Variants in NCOA7 observed in about 807,000 individuals in gnomAD.
NCOA7 encodes 140 kDa estrogen receptor-associated protein.
A neutral mutation model predicts 104.3 loss-of-function variants in NCOA7; 45 were observed. That is an observed-to-expected ratio of 0.43 (90% confidence interval 0.34 to 0.55). The LOEUF (loss-of-function observed/expected upper bound fraction) is 0.55. Ranked by LOEUF, NCOA7 falls within the 20% of genes least tolerant of loss-of-function variation. The pLI is 0.02. For synonymous variants in NCOA7, 398 were observed against 402.3 expected (o/e 0.99, Z 0.13); for missense variants, 1,041 against 1,119.7 (o/e 0.93, Z 1.00).
At chr6:125,821,177 AAG>A (rs1778140198) in intron 2 of NCOA7, among the ~76,000 whole-genome samples, 1 of 152,138 alleles carries the variant, frequency 6.6e-6, no homozygotes, top group African/African-American at 2.4e-5. Flanking sequence ...GGATGAGTAG[AAG>A]TATTATCATC....
intron 1 of NCOA7, among the ~76,000 whole-genome samples, chr6:125,806,413 A>G (rs1336219815): frequency 6.6e-6 from 1 of 152,228 alleles, no homozygotes; most frequent in Non-Finnish European, 1.5e-5. Context: ...GATGAATCAC[A>G]GAGCATATGG....
intron 2 of NCOA7, among the ~76,000 whole-genome samples, chr6:125,833,666 G>T (rs985545860): frequency 3.3e-5 from 5 of 152,156 alleles, no homozygotes; most frequent in African/African-American, 4.8e-5. Flanking sequence ...GTGGTGGCAA[G>T]GGGTGCTTTG....
intron 10 of NCOA7, among the ~76,000 whole-genome samples, chr6:125,894,695 A>G (rs976307618): frequency 1.3e-5 from 2 of 152,162 alleles, no homozygotes; most frequent in Admixed American, 1.3e-4. Context: ...GAAATGAACC[A>G]GACACACTGA....
At chr6:125,843,548 T>G (rs1780348740) in intron 2 of NCOA7, among the ~76,000 whole-genome samples, 1 of 152,206 alleles carries the variant, frequency 6.6e-6, no homozygotes, top group African/African-American at 2.4e-5. Context: ...TCCAAATACT[T>G]TCTTTAAATT....
In NCOA7 at chr6:125,878,312, C is replaced by T. The variant is rs1470203624; in HGVS notation, c.401C>T (p.Thr134Ile). The change falls in exon 5 of 16, where the codon ACT (threonine) becomes ATT (isoleucine). Residue 134 changes from threonine (T) to isoleucine (I), a missense_variant. Coordinates refer to ENST00000392477, the MANE Select transcript of NCOA7 (RefSeq NM_181782.5). ...TCCATAGCACTGAAATTTAACATCA[C>T]TCCCAATAAATTGGTGGAACTGAAT... ...LNSIALKFNI[T>I]PNKLVELNKL... 1.9e-6 allele frequency: 3 copies of T among 1,612,890 alleles called. No homozygotes were observed. The South Asian group carries it at 3.3e-5, about 18-fold the overall frequency.
chr6:125,862,472 A>G lies in NCOA7; in HGVS notation c.271+7232A>G, dbSNP rs1166878494. On this transcript the variant is annotated intron_variant, in intron 3 of 15. Transcript: ENST00000392477. ...GGTCAAAGACAAGACATTCTCAGACATAGAAGAACTCAAGAAAGAGACCTT... is the reference window on the plus strand; with the variant it reads ...GGTCAAAGACAAGACATTCTCAGACGTAGAAGAACTCAAGAAAGAGACCTT... 4.3e-5 allele frequency among the ~76,000 whole-genome samples: 6 copies of G among 138,516 alleles called. 1 individual carries two copies. The highest frequency in any genetic ancestry group is 4.1e-4 in the Admixed American group (6 of 14,658). The allele number at this position is 138,516 out of a possible 152,430, so 90.9% of individuals were successfully genotyped here.
At chr6:125,799,905 C>G (rs1011380177) in intron 1 of NCOA7, among the ~76,000 whole-genome samples, 8 of 152,074 alleles carry the variant, frequency 5.3e-5, no homozygotes, top group African/African-American at 1.7e-4. Context: ...TTCATGATCC[C>G]CTTTGCTCAT....
At chr6:125,857,631 G>C (rs1465045214) in intron 3 of NCOA7, among the ~76,000 whole-genome samples, 6 of 151,800 alleles carry the variant, frequency 4.0e-5, no homozygotes, top group African/African-American at 1.5e-4. Flanking sequence ...CACAATCTCA[G>C]CTCACTGCAA....
At chr6:125,908,616 A>T (rs1355052805) in intron 10 of NCOA7, among the ~76,000 whole-genome samples, 2 of 152,132 alleles carry the variant, frequency 1.3e-5, no homozygotes, top group Admixed American at 1.3e-4. Flanking sequence ...CTTTATATAA[A>T]TCTTCCTTCT....
chr6:125,824,889 G>A (rs1471834195), intron 2 of NCOA7, among the ~76,000 whole-genome samples: 2 of 152,110 alleles, frequency 1.3e-5, no homozygotes, highest in Non-Finnish European at 2.9e-5. Flanking sequence ...CTCTGGAGTA[G>A]CTGGGACTAT....
At chr6:125,806,604 C>T (rs775382195) in intron 1 of NCOA7, among the ~76,000 whole-genome samples, 6 of 152,000 alleles carry the variant, frequency 3.9e-5, no homozygotes, top group Admixed American at 2.0e-4. Flanking sequence ...TTTTGGTTGG[C>T]GTGGTTGTGG....
chr6:125,902,304 G>A (rs547171624), intron 10 of NCOA7, among the ~76,000 whole-genome samples: 6 of 152,242 alleles, frequency 3.9e-5, no homozygotes, highest in South Asian at 2.1e-4. Flanking sequence ...ACTTCCTTGC[G>A]TATTTAATAA....
At chr6:125,793,680 C>G (rs2128544995) in intron 1 of NCOA7, among the ~76,000 whole-genome samples, 1 of 152,212 alleles carries the variant, frequency 6.6e-6, no homozygotes, top group Admixed American at 6.5e-5. Flanking sequence ...ATGCCATTTA[C>G]TATTGTTTTT....
intron 11 of NCOA7, chr6:125,919,337 C>G: frequency 6.2e-7 from 1 of 1,612,794 alleles, no homozygotes; most frequent in Middle Eastern, 1.7e-4. Flanking sequence ...GAGAGAGAGC[C>G]ACACTTCTCA....
At chr6:125,881,262 AATTCAAC>A in intron 6 of NCOA7, 59 bp downstream of exon 6, 1 of 1,203,158 alleles carries the variant, frequency 8.3e-7, no homozygotes, top group Middle Eastern at 1.9e-4. Flanking sequence ...TAAGTTGTAG[AATTCAAC>A]ATGTTATTTT....
intron 2 of NCOA7, among the ~76,000 whole-genome samples, chr6:125,844,188 T>A (rs965664224): frequency 2.6e-5 from 4 of 152,234 alleles, no homozygotes; most frequent in African/African-American, 9.6e-5. Context: ...ATGTGGTTGT[T>A]CTTTGAGGCT....
At chr6:125,908,439 C>G (rs942071692) in intron 10 of NCOA7, among the ~76,000 whole-genome samples, 8 of 152,170 alleles carry the variant, frequency 5.3e-5, no homozygotes, top group African/African-American at 1.7e-4. Flanking sequence ...TTCTCTAACC[C>G]CTTTGGAGAG....
chr6:125,792,714 G>A (rs1774970759), intron 1 of NCOA7, among the ~76,000 whole-genome samples: 2 of 151,880 alleles, frequency 1.3e-5, no homozygotes, highest in Admixed American at 1.3e-4. Context: ...TGACAGCCAG[G>A]GGATTGTGAA....
intron 10 of NCOA7, among the ~76,000 whole-genome samples, chr6:125,913,149 A>C (rs1786740425): frequency 6.6e-6 from 1 of 152,230 alleles, no homozygotes; most frequent in African/African-American, 2.4e-5. Flanking sequence ...AGAGAAACAG[A>C]ACCAAAATGT....
Sources: gnomAD v4.1 joint callset for allele counts (sites outside exome capture counted in the v4.1 genomes callset) on GRCh38, gnomAD v4.1.1 for gene constraint, MANE v1.5 for transcripts, NCBI Gene and HGNC (gene_info 2026-07-23, HGNC 2026-07-21) for gene names.